Variants in TRIM16 observed in about 807,000 individuals in gnomAD.
TRIM16 encodes tripartite motif-containing protein 16.
TRIM16 carries 33 observed loss-of-function variants against 50.4 expected under a neutral mutation model. That is an observed-to-expected ratio of 0.65 (90% CI 0.50 to 0.88). TRIM16 has a LOEUF of 0.88. Ranked by LOEUF, TRIM16 falls within the 40% of genes least tolerant of loss-of-function variation. TRIM16 has a pLI of 0.00. For missense variants in TRIM16, 581 were observed against 686.8 expected (o/e 0.85, Z 1.72); for synonymous variants, 229 against 270.7 (o/e 0.85, Z 1.51).
intron 6 of TRIM16, among the ~76,000 whole-genome samples, chr17:15,663,195 C>T (rs184471375): frequency 1.3e-5 from 2 of 152,288 alleles, no homozygotes; most frequent in East Asian, 1.9e-4. Context: ...CCTCTGGATA[C>T]GTCCATTTGT....
chr17:15,659,027 C>T (rs1017552309), intron 6 of TRIM16, among the ~76,000 whole-genome samples: 2 of 152,198 alleles, frequency 1.3e-5, no homozygotes, highest in Non-Finnish European at 2.9e-5. Flanking sequence ...ACGGCTCCTC[C>T]GCAAGAAGGA....
intron 9 of TRIM16, among the ~76,000 whole-genome samples, chr17:15,634,144 A>G (rs1986588875): frequency 6.8e-6 from 1 of 147,880 alleles, no homozygotes; most frequent in Admixed American, 6.7e-5. Flanking sequence ...TCTGGCTAAC[A>G]CGGTGAAACC....
rs1274245913 is a variant in TRIM16 at position 15,651,307 on chromosome 17, A to ATGGTGATG, written c.302_303insCATCACCA (p.Glu102IlefsTer12). On this transcript the variant is annotated frameshift_variant, in exon 7 of 12. Transcript: ENST00000649191. LOFTEE classifies it high-confidence loss of function. ...CCTGATGCGGCTGCAAGTGCTCTTCACAGTAATTCACCATGCAGGTTAGAC... is the reference window on the plus strand; with the variant it reads ...CCTGATGCGGCTGCAAGTGCTCTTCATGGTGATGCAGTAATTCACCATGCAGGTTAGAC... 1 of 1,614,060 alleles carries ATGGTGATG rather than the reference A, an allele frequency of 6.2e-7. No individual in the cohort carries two copies. The highest frequency in any genetic ancestry group is 1.3e-5 in the African/African-American group (1 of 74,916).
intron 6 of TRIM16, among the ~76,000 whole-genome samples, chr17:15,658,258 A>G (rs951372112): frequency 6.6e-6 from 1 of 152,224 alleles, no homozygotes; most frequent in Non-Finnish European, 1.5e-5. Context: ...GTTTAAGGCC[A>G]TCATTCTCAG....
intron 7 of TRIM16, among the ~76,000 whole-genome samples, chr17:15,644,208 T>C (rs1400836465): frequency 2.0e-5 from 3 of 152,140 alleles, no homozygotes; most frequent in Non-Finnish European, 2.9e-5. Context: ...TATTTTGAGA[T>C]GGAGTCTCGC....
chr17:15,632,399 A>G, intron 10 of TRIM16, 110 bp downstream of exon 10: 19 of 1,443,924 alleles, frequency 1.3e-5, no homozygotes, highest in Non-Finnish European at 1.7e-5. Context: ...AAAAAAGAAA[A>G]TGAAACATTC....
Position 15,651,389 on chromosome 17 carries a change from T to C in TRIM16, c.221A>G (p.Glu74Gly). Residue 74 changes from glutamate to glycine, a missense_variant, in exon 7 of 12, where the codon GAG becomes GGG. Coordinates refer to ENST00000649191, the MANE Select transcript of TRIM16 (RefSeq NM_001348119.1). ...ATCAAGGCAGAAGTCACACAGGACC[T>C]CTTTCCCCTCACCAGCAGGATCCCC... is the stretch of plus-strand genomic sequence containing the variant. ...EQGDPAGEGK[E>G]VLCDFCLDDT... is the part of the protein sequence containing the mutation. 6 of 1,614,232 alleles carry C rather than the reference T, an allele frequency of 3.7e-6. No homozygotes were observed. Among genetic ancestry groups the C allele is most frequent in the Non-Finnish European group, 5.1e-6 (6 of 1,180,034 alleles).
At chr17:15,660,897 CAAAAAAAAAAA>C (rs550489491) in intron 6 of TRIM16, among the ~76,000 whole-genome samples, 33 of 60,148 alleles carry the variant, frequency 5.5e-4, no homozygotes, top group African/African-American at 2.8e-4. Context: ...GACTCCATCT[CAAAAAAAAAAA>C]AAAAAAAAAA....
chr17:15,678,639 C>G (rs1989048224), intron 4 of TRIM16, among the ~76,000 whole-genome samples: 1 of 152,194 alleles, frequency 6.6e-6, no homozygotes, highest in South Asian at 2.1e-4. Context: ...AATCTATATA[C>G]CCACTCACAT....
chr17:15,670,512 C>T (rs1334078938), intron 6 of TRIM16, among the ~76,000 whole-genome samples: 1 of 152,164 alleles, frequency 6.6e-6, no homozygotes, highest in African/African-American at 2.4e-5. Context: ...TCTGTGGAAG[C>T]TCAGCTCCAC....
chr17:15,631,460 TA>T (rs1176866820), intron 11 of TRIM16, among the ~76,000 whole-genome samples, 158 bp downstream of exon 11: 7 of 152,300 alleles, frequency 4.6e-5, no homozygotes, highest in Admixed American at 6.5e-5. Context: ...AATGAAAAGT[TA>T]AAAAAATTGT....
chr17:15,667,673 T>C (rs1177099599), intron 6 of TRIM16, among the ~76,000 whole-genome samples: 1 of 152,194 alleles, frequency 6.6e-6, no homozygotes, highest in East Asian at 1.9e-4. Context: ...ATGGAAAGAA[T>C]AAATTCTCTA....
At chr17:15,640,529 G>A (rs1312402942) in intron 8 of TRIM16, among the ~76,000 whole-genome samples, 1 of 147,988 alleles carries the variant, frequency 6.8e-6, no homozygotes, top group Non-Finnish European at 1.5e-5. Flanking sequence ...AAGACTCCCA[G>A]CAATTCCTGA....
chr17:15,640,753 T>C (rs1249120794), intron 8 of TRIM16, among the ~76,000 whole-genome samples: 1 of 148,800 alleles, frequency 6.7e-6, no homozygotes, highest in African/African-American at 2.5e-5. Context: ...ATCCAGGCTC[T>C]GCATTAGCTA....
chr17:15,649,050 G>A lies in TRIM16; in HGVS notation c.519+2041C>T, dbSNP rs144650633. On this transcript the variant is annotated intron_variant, in intron 7 of 11. Transcript: ENST00000649191. ...GATGTCTGAATTCAGAGTTCTGCGC[G>A]TGCTCTACACAACTCCTCCTGCTTG... Among the ~76,000 whole-genome samples, 802 of 152,168 alleles carry A rather than the reference G, an allele frequency of 5.3e-3. 5 individuals are homozygous for A. Among genetic ancestry groups the A allele is most frequent in the Middle Eastern group, 0.044 (13 of 294 alleles).
chr17:15,658,644 A>C (rs1988080777), intron 6 of TRIM16, among the ~76,000 whole-genome samples: 1 of 152,352 alleles, frequency 6.6e-6, no homozygotes, highest in South Asian at 2.1e-4. Context: ...AAATAATAGT[A>C]ATGAGTGTAG....
intron 6 of TRIM16, among the ~76,000 whole-genome samples, chr17:15,661,612 C>T (rs1360638118): frequency 6.6e-6 from 1 of 152,124 alleles, no homozygotes; most frequent in East Asian, 1.9e-4. Context: ...CAAATGGTGC[C>T]CAGGTTGCCT....
rs1456220694 is a variant in TRIM16 at position 15,651,516 on chromosome 17, G to T, written c.94C>A (p.Pro32Thr). ...PLSPDSGSPS[P>T]DSGSASPVEE... ...ACTGGGCTGGCTGACCCAGAATCTG[G>T]GCTGGGTGACCCAGAGTCTGGGCTG... Residue 32 changes from proline (P) to threonine (T), a missense_variant, in exon 7 of 12, where the codon CCA becomes ACA. Around this residue, in one of 3 missense-constraint regions of TRIM16, gnomAD observed 450 missense variants for 544.3 expected, o/e 0.83. Coordinates refer to ENST00000649191, the MANE Select transcript of TRIM16 (RefSeq NM_001348119.1). 6.2e-7 allele frequency: 1 copy of T among 1,613,472 alleles called. No individual in the cohort carries two copies. The highest frequency in any genetic ancestry group is 2.2e-5 in the East Asian group (1 of 44,868).
chr17:15,664,355 T>C (rs8064560), intron 6 of TRIM16, among the ~76,000 whole-genome samples: 3,224 of 152,154 alleles, frequency 0.021, 99 homozygotes, highest in African/African-American at 0.073. Context: ...GTTAGAGAAT[T>C]TGTAAAGCAC....
Sources: gnomAD v4.1 joint callset for allele counts (sites outside exome capture counted in the v4.1 genomes callset) on GRCh38, gnomAD v4.1.1 for gene constraint, gnomAD v4.1.1 regional missense constraint, MANE v1.5 for transcripts, NCBI Gene and HGNC (gene_info 2026-07-23, HGNC 2026-07-21) for gene names.